Variants in NPY2R observed in about 807,000 individuals in gnomAD.
The protein encoded by NPY2R is neuropeptide Y receptor type 2.
A neutral mutation model predicts 22.3 loss-of-function variants in NPY2R; 17 were observed. The observed-to-expected ratio is 0.76, with a 90% CI of 0.52 to 1.14. The LOEUF is 1.14. Ranked by LOEUF, NPY2R falls within the 50% of genes most tolerant of loss-of-function variation. The pLI is 0.00. For missense variants in NPY2R, 424 were observed against 467.9 expected, an observed-to-expected ratio of 0.91 and a Z score of 0.87; for synonymous variants, 209 against 183.4, an observed-to-expected ratio of 1.14 and a Z score of -1.13.
the NPY2R span, among the ~76,000 whole-genome samples, chr4:155,182,985 G>A: frequency 6.6e-6 from 1 of 152,106 alleles, no homozygotes; most frequent in South Asian, 2.1e-4. Flanking sequence ...TAGTGATGGG[G>A]TTTCACCATG....
At chr4:155,203,009 A>G in the NPY2R span, among the ~76,000 whole-genome samples, 5 of 152,166 alleles carry the variant, frequency 3.3e-5, no homozygotes, top group Non-Finnish European at 7.4e-5. Flanking sequence ...ACTGTGAATC[A>G]TTTGCATTTA....
the NPY2R span, among the ~76,000 whole-genome samples, chr4:155,177,170 A>C: frequency 6.6e-6 from 1 of 152,226 alleles, no homozygotes; most frequent in African/African-American, 2.4e-5. Flanking sequence ...TCTTCCACAC[A>C]AAAGTGTAAA....
At chr4:155,205,055 G>A (rs59278204), upstream of NPY2R, among the ~76,000 whole-genome samples, 2,343 of 152,232 alleles carry the variant, frequency 0.015, 48 homozygotes, top group African/African-American at 0.053. Context: ...CTGAGTTTAA[G>A]TGGACCTGTG....
the NPY2R span, among the ~76,000 whole-genome samples, chr4:155,180,206 T>G: frequency 1.3e-5 from 2 of 152,074 alleles, no homozygotes; most frequent in African/African-American, 4.8e-5. Flanking sequence ...AGGCATGAGC[T>G]GCTGCACCTG....
rs763042561 is a variant in NPY2R, at chr4:155,215,048, G to T, written c.1109G>T (p.Gly370Val). ...AACCTGGAGGTCAGAAAGAACAGTG[G>T]CCCCAATGACTCTTTCACAGAGGCT... ...KKNLEVRKNS[G>V]PNDSFTEATN... is the part of the protein sequence containing the mutation. The change falls in exon 2 of 2, where the codon GGC becomes GTC. Residue 370 changes from glycine to valine, a missense_variant. Physicochemically the swap from Gly to Val is moderately radical, Grantham distance 109. Coordinates refer to ENST00000329476, the MANE Select transcript of NPY2R (RefSeq NM_000910.4). The T allele has an allele frequency of 7.4e-6, 12 of 1,613,482 alleles. No individual in the cohort carries two copies. In the Admixed American group the frequency reaches 1.5e-4, roughly 20 times the overall value.
chr4:155,202,926 T>C, the NPY2R span, among the ~76,000 whole-genome samples: 2 of 152,154 alleles, frequency 1.3e-5, no homozygotes, highest in African/African-American at 4.8e-5. Flanking sequence ...GATAATCAAA[T>C]GAAAATTTGC....
chr4:155,195,009 A>T, the NPY2R span, among the ~76,000 whole-genome samples: 5 of 151,870 alleles, frequency 3.3e-5, no homozygotes, highest in Non-Finnish European at 7.4e-5. Context: ...TTTTTTTCAC[A>T]TGCTTTTTGG....
the NPY2R span, among the ~76,000 whole-genome samples, chr4:155,186,514 A>G: frequency 6.6e-6 from 1 of 152,174 alleles, no homozygotes; most frequent in African/African-American, 2.4e-5. Flanking sequence ...ATATTTTAAT[A>G]TATGTTTGCA....
At chr4:155,206,246 T>C (rs1364460399), upstream of NPY2R, among the ~76,000 whole-genome samples, 2 of 152,210 alleles carry the variant, frequency 1.3e-5, no homozygotes, top group African/African-American at 2.4e-5. Flanking sequence ...ACTAAATGAT[T>C]TGATACAAAA....
the NPY2R span, among the ~76,000 whole-genome samples, chr4:155,183,176 A>T: frequency 1.3e-5 from 2 of 152,190 alleles, no homozygotes; most frequent in Non-Finnish European, 2.9e-5. Flanking sequence ...ATGTGTTAAA[A>T]GCAATTCTGT....
chr4:155,181,431 T>G, the NPY2R span, among the ~76,000 whole-genome samples: 2 of 152,170 alleles, frequency 1.3e-5, no homozygotes, highest in African/African-American at 4.8e-5. Context: ...ACCATTCACC[T>G]ATCTCTTTAA....
At chr4:155,177,019 A>G in the NPY2R span, among the ~76,000 whole-genome samples, 5 of 152,176 alleles carry the variant, frequency 3.3e-5, no homozygotes, top group Non-Finnish European at 7.3e-5. Context: ...CAGAAGAGAA[A>G]TTAAGTGTTA....
chr4:155,174,480 ATATAT>A, the NPY2R span, among the ~76,000 whole-genome samples: 22 of 88,732 alleles, frequency 2.5e-4, no homozygotes, highest in African/African-American at 1.1e-3. Flanking sequence ...ATATATATAT[ATATAT>A]TTTTTTTTTT....
chr4:155,211,353 G>C (rs945093935), intron 1 of NPY2R, among the ~76,000 whole-genome samples: 1 of 152,122 alleles, frequency 6.6e-6, no homozygotes, highest in Non-Finnish European at 1.5e-5. Flanking sequence ...TAACTGAGAG[G>C]CTTCCCAGTT....
chr4:155,216,809 A>G lies in NPY2R; in HGVS notation c.*1724A>G, dbSNP rs1729526410. On this transcript the variant is annotated 3_prime_UTR_variant, in exon 2 of 2. Transcript: ENST00000329476. ...TCTGTTAGACTAGGCAAATTGTTCA[A>G]AAATAACCTTTTTGTCTTTTAAGTA... 1 of 167,090 alleles carries G rather than the reference A, an allele frequency of 6.0e-6. No individual in the cohort carries two copies. Among genetic ancestry groups the G allele is most frequent in the Admixed American group, 6.5e-5 (1 of 15,278 alleles). 10.4% of individuals were successfully genotyped at this position (167,090 alleles called of 1,614,324 possible). A position where few individuals can be genotyped will look rare whatever the true frequency, so the allele number is the denominator to read the frequency against.
chr4:155,201,384 CAG>C, the NPY2R span, among the ~76,000 whole-genome samples: 1 of 152,084 alleles, frequency 6.6e-6, no homozygotes. Context: ...CATGTGTAAA[CAG>C]GGGGAAGCAT....
At chr4:155,176,534 A>G in the NPY2R span, among the ~76,000 whole-genome samples, 2 of 152,264 alleles carry the variant, frequency 1.3e-5, no homozygotes, top group South Asian at 2.1e-4. Context: ...TTCTGTTTAC[A>G]TGATAAATTA....
the NPY2R span, among the ~76,000 whole-genome samples, chr4:155,178,608 T>TTTGTG: frequency 5.3e-5 from 8 of 152,216 alleles, no homozygotes; most frequent in Non-Finnish European, 1.2e-4. Context: ...GGCAACTATA[T>TTTGTG]TTGTGTATTT....
In NPY2R at chr4:155,212,480, T is replaced by C. The variant is rs149641752; in HGVS notation, c.-48-1412T>C. Among the ~76,000 whole-genome samples, 1,016 of 152,328 alleles carry C rather than the reference T, an allele frequency of 6.7e-3. 15 individuals are homozygous for C. Among genetic ancestry groups the C allele is most frequent in the African/African-American group, 0.024 (979 of 41,570 alleles). ...GCCTTAGAGTAGAGGTACTATCCTC[T>C]TGTCTTCACCCGGCAAAAACCCTAG... On this transcript the variant is annotated intron_variant, in intron 1 of 1. Transcript: ENST00000329476.
Sources: gnomAD v4.1 joint callset for allele counts (sites outside exome capture counted in the v4.1 genomes callset) on GRCh38, gnomAD v4.1.1 for gene constraint, MANE v1.5 for transcripts, NCBI Gene and HGNC (gene_info 2026-07-23, HGNC 2026-07-21) for gene names.